The following TMEM256 variants were observed in gnomAD, a reference collection of about 807,000 sequenced individuals.
The protein encoded by TMEM256 is UPF0451 protein C17orf61.
Under a neutral mutation model 14.8 loss-of-function variants are expected in TMEM256, and 14 were observed. The observed-to-expected ratio is 0.95, with a 90% CI of 0.63 to 1.48. The LOEUF (loss-of-function observed/expected upper bound fraction) is 1.48, where lower values mean the gene tolerates loss of function less well. Ranked by LOEUF, TMEM256 falls within the 40% of genes most tolerant of loss-of-function variation. The pLI is 0.00. For synonymous variants in TMEM256, 68 were observed against 60.7 expected (o/e 1.12, Z -0.56); for missense variants, 146 against 137.9 (o/e 1.06, Z -0.30).
intron 1 of TMEM256, 50 bp downstream of exon 1, chr17:7,403,950 C>T: frequency 6.6e-7 from 1 of 1,509,428 alleles, no homozygotes; most frequent in Non-Finnish European, 8.9e-7. Flanking sequence ...TGCAGCAGAC[C>T]CCAGAGGACG....
rs1211356590 is a variant in TMEM256, at chr17:7,403,998, A to G, written c.85+2T>C. 1 of 1,588,054 alleles carries G rather than the reference A, an allele frequency of 6.3e-7. No individual in the cohort carries two copies. The highest frequency in any genetic ancestry group is 1.1e-5 in the South Asian group (1 of 87,216). On this transcript the variant is annotated splice_donor_variant, in intron 1 of 3. Transcript: ENST00000302422. LOFTEE classifies it high-confidence loss of function. ...TCCCATCTTCGTCCCCAGCCCCCTG[A>G]CCGTGCGCCCCGTAGGAAGCGAAGC...
rs1297198552 is a variant in TMEM256 at position 7,404,081 on chromosome 17, C to T, written c.4G>A (p.Ala2Thr). M[A>T]GPAAAFRRLG... is the part of the protein sequence containing the mutation. ...CGGCGGAAAGCTGCAGCTGGCCCGG[C>T]CATAGCTGTAGAACAGGACGCACCG... is the stretch of plus-strand genomic sequence containing the variant. The change falls in exon 1 of 4, where the codon GCC (alanine) becomes ACC (threonine). Residue 2 changes from alanine (A) to threonine (T), a missense_variant. Coordinates refer to ENST00000302422, the MANE Select transcript of TMEM256 (RefSeq NM_152766.5). 2 of 1,586,738 alleles carry T rather than the reference C, an allele frequency of 1.3e-6. No homozygotes were observed. Among genetic ancestry groups the T allele is most frequent in the Non-Finnish European group, 1.7e-6 (2 of 1,166,166 alleles).
chr17:7,403,224 G>C lies in TMEM256; in HGVS notation c.199-15C>G, dbSNP rs377414032. Reference sequence around the variant, plus strand: ...AATAACCCAGCCTGAAGGAGACACAGCACAGAAAACAGGATTGTTAAGAAC... The same window carrying C: ...AATAACCCAGCCTGAAGGAGACACACCACAGAAAACAGGATTGTTAAGAAC... On this transcript the variant is annotated splice_polypyrimidine_tract_variant and intron_variant, in intron 3 of 3. Coordinates refer to ENST00000302422, the MANE Select transcript of TMEM256 (RefSeq NM_152766.5). 4 of 1,614,082 alleles carry C rather than the reference G, an allele frequency of 2.5e-6. No individual in the cohort carries two copies. The highest frequency in any genetic ancestry group is 2.5e-6 in the Non-Finnish European group (3 of 1,180,024).
chr17:7,403,213 A>G lies in TMEM256; in HGVS notation c.199-4T>C. 1 of 1,614,182 alleles carries G rather than the reference A, an allele frequency of 6.2e-7. No individual in the cohort carries two copies. Among genetic ancestry groups the G allele is most frequent in the Non-Finnish European group, 8.5e-7 (1 of 1,180,020 alleles). The stretch of plus-strand genomic sequence containing the variant: ...CGGAAGCTAGCAATAACCCAGCCTG[A>G]AGGAGACACAGCACAGAAAACAGGA... On this transcript the variant is annotated splice_polypyrimidine_tract_variant and splice_region_variant and intron_variant, in intron 3 of 3. Transcript: ENST00000302422.
Position 7,404,010 on chromosome 17 carries a change from G to A in TMEM256, c.75C>T (p.Tyr25=), listed in dbSNP as rs1906472605. The A allele has an allele frequency of 6.3e-7, 1 of 1,597,898 alleles. No individual in the cohort carries two copies. The highest frequency in any genetic ancestry group is 1.7e-5 in the Admixed American group (1 of 57,752). Residue 25 remains tyrosine, a synonymous_variant, in exon 1 of 4, where the codon TAC becomes TAT. Coordinates refer to ENST00000302422, the MANE Select transcript of TMEM256 (RefSeq NM_152766.5). ...CCCCAGCCCCCTGACCGTGCGCCCC[G>A]TAGGAAGCGAAGCCTAAGGCCGCAG... ...SGAAALGFAS[Y]GAHGAQFPDA... is the part of the protein sequence containing the mutation.
At chr17:7,403,524 C>T (rs1349275951) in intron 2 of TMEM256, 134 bp from the exon 3 acceptor site, 2 of 1,507,280 alleles carry the variant, frequency 1.3e-6, no homozygotes, top group East Asian at 4.6e-5. Flanking sequence ...CTTTGGCTTA[C>T]AGAGCCTTTG....
At chr17:7,403,781 G>T (rs1298729189) in intron 1 of TMEM256, 92 bp from the exon 2 acceptor site, 20 of 1,329,944 alleles carry the variant, frequency 1.5e-5, no homozygotes, top group Non-Finnish European at 2.0e-5. Flanking sequence ...GGCGAGAAAG[G>T]GCACCCCCCC....
At chr17:7,403,868 C>CT in intron 1 of TMEM256, 132 bp downstream of exon 1, 1 of 1,302,958 alleles carries the variant, frequency 7.7e-7, no homozygotes, top group Non-Finnish European at 1.0e-6. Context: ...AGCTGGGGGA[C>CT]TTTAAAAGGT....
In TMEM256 at chr17:7,404,067, T is replaced by C. The variant is rs770237774; in HGVS notation, c.18A>G (p.Ala6=). ...ACAAGGCGCCCAAGCGGCGGAAAGC[T>C]GCAGCTGGCCCGGCCATAGCTGTAG... is the stretch of plus-strand genomic sequence containing the variant. The part of the protein sequence containing the change: MAGPA[A]AFRRLGALSG... Residue 6 remains alanine, a synonymous_variant, in exon 1 of 4, where the codon GCA becomes GCG. Coordinates refer to ENST00000302422, the MANE Select transcript of TMEM256 (RefSeq NM_152766.5). 3 of 1,596,798 alleles carry C rather than the reference T, an allele frequency of 1.9e-6. No homozygotes were observed. Among genetic ancestry groups the C allele is most frequent in the Non-Finnish European group, 2.6e-6 (3 of 1,171,778 alleles).
Position 7,404,060 on chromosome 17 carries a change from G to A in TMEM256, c.25C>T (p.Arg9Cys), listed in dbSNP as rs553087076. 1.9e-4 allele frequency: 300 copies of A among 1,599,186 alleles called. No individual in the cohort carries two copies. Among genetic ancestry groups the A allele is most frequent in the African/African-American group, 1.3e-5 (1 of 74,834 alleles). ...GCTCCGGACAAGGCGCCCAAGCGGCGGAAAGCTGCAGCTGGCCCGGCCATA... is the reference window on the plus strand; with the variant it reads ...GCTCCGGACAAGGCGCCCAAGCGGCAGAAAGCTGCAGCTGGCCCGGCCATA... Reference protein sequence around the residue: MAGPAAAFRRLGALSGAAA... With the variant: MAGPAAAFCRLGALSGAAA... Residue 9 changes from arginine (R) to cysteine (C), a missense_variant, in exon 1 of 4, where the codon CGC (arginine) becomes TGC (cysteine). By Grantham distance (180) the Arg-to-Cys change is radical (BLOSUM62 -3). Coordinates refer to ENST00000302422, the MANE Select transcript of TMEM256 (RefSeq NM_152766.5).
At chr17:7,403,779 A>ACCGGGGGGGGGGGG in intron 1 of TMEM256, 90 bp from the exon 2 acceptor site, 1 of 1,306,712 alleles carries the variant, frequency 7.7e-7, no homozygotes, top group Non-Finnish European at 1.0e-6. Flanking sequence ...TTGGCGAGAA[A>ACCGGGGGGGGGGGG]GGGCACCCCC....
chr17:7,403,610 T>G (rs1220034518), intron 2 of TMEM256, 48 bp downstream of exon 2: 1 of 1,612,604 alleles, frequency 6.2e-7, no homozygotes, highest in Non-Finnish European at 8.5e-7. Context: ...CCAGACTTTG[T>G]GCCTTCGTAG....
At chr17:7,403,275 G>A in intron 3 of TMEM256, 35 bp downstream of exon 3, 2 of 1,609,132 alleles carry the variant, frequency 1.2e-6, no homozygotes, top group Non-Finnish European at 1.7e-6. Context: ...GGAGTGTGTG[G>A]GGCTTGGTCA....
In TMEM256 at chr17:7,403,117, G is replaced by A. The variant is rs1906400246; in HGVS notation, c.291C>T (p.Ala97=). 3 of 1,614,158 alleles carry A rather than the reference G, an allele frequency of 1.9e-6. No individual in the cohort carries two copies. Among genetic ancestry groups the A allele is most frequent in the Non-Finnish European group, 2.5e-6 (3 of 1,180,028 alleles). Residue 97 remains alanine, a synonymous_variant, in exon 4 of 4, where the codon GCC becomes GCT. Transcript: ENST00000302422. Reference sequence around the variant, plus strand: ...AGAGTAGCAGGGTCCCTCCCGCAGGGGCCAAAGTCTGGATGCTGGGGTCTC... The same window carrying A: ...AGAGTAGCAGGGTCCCTCCCGCAGGAGCCAAAGTCTGGATGCTGGGGTCTC... ...LSGDPSIQTL[A]PAGGTLLLLG...
chr17:7,404,018 C>A lies in TMEM256; in HGVS notation c.67G>T (p.Ala23Ser). ...CCCTGACCGTGCGCCCCGTAGGAAG[C>A]GAAGCCTAAGGCCGCAGCTCCGGAC... ...ALSGAAALGFASYGAHGAQFP... is the reference protein window; with the variant it reads ...ALSGAAALGFSSYGAHGAQFP... Residue 23 changes from alanine to serine, a missense_variant, in exon 1 of 4, where the codon GCT (alanine) becomes TCT (serine). Ala to Ser is a moderately conservative substitution (Grantham distance 99, BLOSUM62 1). Transcript: ENST00000302422. 6.2e-7 allele frequency: 1 copy of A among 1,600,516 alleles called. No individual in the cohort carries two copies. Among genetic ancestry groups the A allele is most frequent in the Non-Finnish European group, 8.5e-7 (1 of 1,173,524 alleles).
intron 1 of TMEM256, 109 bp downstream of exon 1, chr17:7,403,891 G>A: frequency 1.5e-6 from 2 of 1,354,598 alleles, no homozygotes; most frequent in Admixed American, 2.6e-5. Flanking sequence ...AGGGCTCCGC[G>A]GACTGTCTGA....
intron 2 of TMEM256, 132 bp downstream of exon 2, chr17:7,403,526 G>T: frequency 6.6e-7 from 1 of 1,508,668 alleles, no homozygotes; most frequent in Non-Finnish European, 9.2e-7. Context: ...TTGGCTTACA[G>T]AGCCTTTGGC....
In TMEM256 at chr17:7,403,415, G is replaced by T; in HGVS notation, c.118-25C>A. On this transcript the variant is annotated intron_variant, in intron 2 of 3. Transcript: ENST00000302422. ...GCTGTAAGAAAAACAGAAACGAAGG[G>T]ATGTCGTAGGCAATACAGGTACTGA... 3 of 1,607,096 alleles carry T rather than the reference G, an allele frequency of 1.9e-6. No individual in the cohort carries two copies. In the East Asian group the frequency reaches 6.7e-5, roughly 36 times the overall value.
In TMEM256 at chr17:7,403,169, GT is replaced by G; in HGVS notation, c.238del (p.Thr80ProfsTer8). 1 of 1,614,198 alleles carries G rather than the reference GT, an allele frequency of 6.2e-7. No individual in the cohort carries two copies. Among genetic ancestry groups the G allele is most frequent in the Non-Finnish European group, 8.5e-7 (1 of 1,180,038 alleles). On this transcript the variant is annotated frameshift_variant, in exon 4 of 4. Transcript: ENST00000302422. LOFTEE classifies it high-confidence loss of function. The part of the protein sequence containing the change: ...LLASGTTLFC[T>X]SFYYQALSGD... ...ACTCAGAGCCTGGTAGTAAAAGCTG[GT>G]GCAGAATAAGGTCGTTCCGGAAGCT...
Sources: gnomAD v4.1 joint callset for allele counts on GRCh38, gnomAD v4.1.1 for gene constraint, MANE v1.5 for transcripts, NCBI Gene and HGNC (gene_info 2026-07-23, HGNC 2026-07-21) for gene names.